The following PIGG variants were observed in gnomAD, a reference collection of about 807,000 sequenced individuals.
PIGG encodes the protein GPI ethanolamine phosphate transferase 2, catalytic subunit.
In PIGG, 70 loss-of-function variants were observed where a neutral mutation model predicts 83.2. The ratio of observed to expected loss-of-function variants is 0.84; its 90% CI spans 0.69 to 1.03. The LOEUF is 1.03. PIGG is among the 50% of genes least tolerant of loss of function. PIGG has a pLI of 0.00. For missense variants in PIGG, 1,257 were observed against 1,233.6 expected (o/e 1.02, Z -0.28); for synonymous variants, 532 against 519.5 (o/e 1.02, Z -0.33).
intron 4 of PIGG, among the ~76,000 whole-genome samples, chr4:508,488 T>C (rs1720681823): frequency 6.6e-6 from 1 of 152,204 alleles, no homozygotes; most frequent in Non-Finnish European, 1.5e-5. Flanking sequence ...AAGATTCCAT[T>C]TGACAGATGA....
Position 515,207 on chromosome 4 carries a change from G to A in PIGG, c.902-766G>A, listed in dbSNP as rs189442326. On this transcript the variant is annotated intron_variant, in intron 5 of 12. Transcript: ENST00000453061. The surrounding 1 kb of genome is among the most constrained non-coding windows in gnomAD (Gnocchi z 4.2). ...GCCTCTTGGCGCCCTGCCGGTGTAC[G>A]TTGAATTCCAGGGTGTGGAGCTGTT... is the stretch of plus-strand genomic sequence containing the variant. Among the ~76,000 whole-genome samples the A allele has an allele frequency of 9.2e-4, 140 of 152,356 alleles. No homozygotes were observed. The highest frequency in any genetic ancestry group is 3.1e-3 in the African/African-American group (130 of 41,590).
chr4:517,989 C>G (rs2108904884), intron 6 of PIGG, among the ~76,000 whole-genome samples: 1 of 152,246 alleles, frequency 6.6e-6, no homozygotes, highest in South Asian at 2.1e-4. Flanking sequence ...CTATTACTAC[C>G]AAATAGAGTG....
At chr4:519,225 T>C (rs4616693) in intron 6 of PIGG, among the ~76,000 whole-genome samples, 26,972 of 152,208 alleles carry the variant, frequency 0.18, 3,082 homozygotes, top group African/African-American at 0.33. Flanking sequence ...CGTGCGTGCG[T>C]GTCTGTGAGC....
At position 522,430 on chromosome 4, in the gene PIGG, G is replaced by A. The variant is rs189171327; in HGVS notation, c.1614+489G>A. ...CATCAGGTCCAGATTTCTTTCCAAG[G>A]CGGACGTTTTCTGTTGGAATTCTTA... On this transcript the variant is annotated intron_variant, in intron 8 of 12. Transcript: ENST00000453061. 4.3e-4 allele frequency: 91 copies of A among 211,500 alleles called. No homozygotes were observed. In the East Asian group the frequency reaches 8.8e-3, roughly 20 times the overall value. 13.1% of individuals were successfully genotyped at this position (211,500 alleles called of 1,614,324 possible).
In PIGG at chr4:499,345, G is replaced by A. The variant is rs782312180; in HGVS notation, c.10G>A (p.Gly4Ser). 3.7e-6 allele frequency: 6 copies of A among 1,608,374 alleles called. No homozygotes were observed. Among genetic ancestry groups the A allele is most frequent in the Non-Finnish European group, 8.5e-7 (1 of 1,179,866 alleles). The part of the protein sequence containing the change: MRL[G>S]SGTFATCCVA... ...GCCTAGCGTGTCCACGATGCGGCTG[G>A]GCTCCGGGACTTTCGCTACCTGTTG... is the stretch of plus-strand genomic sequence containing the variant. Residue 4 changes from glycine (G) to serine (S), a missense_variant, in exon 1 of 13, where the codon GGC (glycine) becomes AGC (serine). Gly to Ser is a moderately conservative substitution (Grantham distance 56). Transcript: ENST00000453061.
In PIGG at chr4:507,726, T is replaced by C. The variant is rs534493377; in HGVS notation, c.759+133T>C. 1.3e-5 allele frequency: 10 copies of C among 744,432 alleles called. No individual in the cohort carries two copies. In the African/African-American group the frequency reaches 1.8e-4, roughly 13 times the overall value. 46.1% of individuals were successfully genotyped at this position (744,432 alleles called of 1,614,324 possible). A position where few individuals can be genotyped will look rare whatever the true frequency, so the allele number is the denominator to read the frequency against. On this transcript the variant is annotated intron_variant, in intron 4 of 12. Transcript: ENST00000453061. ...ATCAGTCTGCTAGCCAGGGGCCGCA[T>C]GCCACACGGGCAGCACTGTCTCAGT...
chr4:504,993 C>G (rs1719084701), intron 2 of PIGG, among the ~76,000 whole-genome samples: 1 of 152,166 alleles, frequency 6.6e-6, no homozygotes, highest in Admixed American at 6.5e-5. Context: ...GTTTTCCACT[C>G]AAAGGTAGAC....
chr4:516,596 G>A lies in PIGG; in HGVS notation c.1114+411G>A, dbSNP rs193031414. On this transcript the variant is annotated intron_variant, in intron 6 of 12. Transcript: ENST00000453061. ...AACAGGGCTGGGTGCGGTGGCTCAC[G>A]CCTGTAATCCCAGCACTTTGGGAGG... Among the ~76,000 whole-genome samples the A allele has an allele frequency of 1.6e-3, 239 of 152,202 alleles. 1 individual carries two copies. Among genetic ancestry groups the A allele is most frequent in the African/African-American group, 5.5e-3 (229 of 41,544 alleles).
At chr4:520,527 G>A (rs940644349) in intron 6 of PIGG, among the ~76,000 whole-genome samples, 4 of 152,236 alleles carry the variant, frequency 2.6e-5, no homozygotes, top group African/African-American at 9.6e-5. Flanking sequence ...GCTGCAGAAC[G>A]GGGGACGTTA....
Position 502,933 on chromosome 4 carries a change from CG to C in PIGG, c.360+2334del, listed in dbSNP as rs1174538424. 2.0e-5 allele frequency among the ~76,000 whole-genome samples: 3 copies of C among 151,474 alleles called. No individual in the cohort carries two copies. The East Asian group carries it at 5.8e-4, about 29-fold the overall frequency. On this transcript the variant is annotated intron_variant, in intron 2 of 12. Transcript: ENST00000453061. ...TAAGTCCATGATGTATAAAGAGGTT[CG>C]GATCAAGGAGGGACAGTCCTATGGA...
chr4:507,572 C>G lies in PIGG; in HGVS notation c.738C>G (p.Ile246Met). 1.2e-6 allele frequency: 2 copies of G among 1,613,498 alleles called. No individual in the cohort carries two copies. Among genetic ancestry groups the G allele is most frequent in the Non-Finnish European group, 8.5e-7 (1 of 1,179,792 alleles). ...AGATGGACAGCGTGCTGATGAAGAT[C>G]CACACCTCACTGCAGTCGAAGGTGA... ...LSEMDSVLMK[I>M]HTSLQSKERE... The change falls in exon 4 of 13, where the codon ATC (isoleucine) becomes ATG (methionine). Residue 246 changes from isoleucine (I) to methionine (M), a missense_variant. Transcript: ENST00000453061.
chr4:519,027 C>A (rs1431511244), intron 6 of PIGG, among the ~76,000 whole-genome samples: 4 of 152,080 alleles, frequency 2.6e-5, no homozygotes, highest in African/African-American at 9.7e-5. Flanking sequence ...TTTTGCCTGG[C>A]GAATTCCTGG....
chr4:536,708 G>C (rs982225756), intron 12 of PIGG: 6 of 152,314 alleles, frequency 3.9e-5, no homozygotes, highest in African/African-American at 1.4e-4. Flanking sequence ...GGGGTGGGCT[G>C]TCAGCACGTC....
chr4:512,466 C>T lies in PIGG; in HGVS notation c.901+3496C>T, dbSNP rs113162386. Among the ~76,000 whole-genome samples the T allele has an allele frequency of 5.0e-3, 761 of 152,048 alleles. 9 individuals are homozygous for T. The highest frequency in any genetic ancestry group is 0.017 in the African/African-American group (723 of 41,498). On this transcript the variant is annotated intron_variant, in intron 5 of 12. Coordinates refer to ENST00000453061, the MANE Select transcript of PIGG (RefSeq NM_001127178.3). ...TCCTGACCTTGTGATCTGCCCACCTCGGCCTCCCAACCATTATCATATTTT... is the reference window on the plus strand; with the variant it reads ...TCCTGACCTTGTGATCTGCCCACCTTGGCCTCCCAACCATTATCATATTTT...
chr4:535,687 T>G (rs897658569), intron 12 of PIGG, among the ~76,000 whole-genome samples: 1 of 152,074 alleles, frequency 6.6e-6, no homozygotes, highest in African/African-American at 2.4e-5. Flanking sequence ...GTGCCAGCCC[T>G]CCCAGGACAC....
chr4:530,288 G>C lies in PIGG; in HGVS notation c.2262-148G>C, dbSNP rs1170418798. 30 of 628,180 alleles carry C rather than the reference G, an allele frequency of 4.8e-5. No individual in the cohort carries two copies. In the Admixed American group the frequency reaches 7.8e-4, roughly 16 times the overall value. 38.9% of individuals were successfully genotyped at this position (628,180 alleles called of 1,614,324 possible). On this transcript the variant is annotated intron_variant, in intron 10 of 12. Transcript: ENST00000453061. The stretch of plus-strand genomic sequence containing the variant: ...TGCCCACTGCCATGACAGGACCTGG[G>C]GGGTAGGGAGGGTGCCGCGGCTCCT...
intron 12 of PIGG, among the ~76,000 whole-genome samples, chr4:536,083 G>C (rs115465691): frequency 0.081 from 12,406 of 152,238 alleles, 553 homozygotes; most frequent in East Asian, 0.19. Flanking sequence ...CTGTGTTGAG[G>C]CTCTCACAGC....
intron 6 of PIGG, among the ~76,000 whole-genome samples, chr4:519,084 G>A (rs1724920689): frequency 6.6e-6 from 1 of 152,066 alleles, no homozygotes; most frequent in Non-Finnish European, 1.5e-5. Context: ...CTGGTCCAGC[G>A]CCCACTCCCA....
rs964328620 is a variant in PIGG, at chr4:523,530, C to T, written c.1686C>T (p.Val562=). ...LLILLGTAGH[V]LSLGASSFVE... ...TTCTGTTGGGGACGGCGGGCCACGT[C>T]TTGAGCCTGGGCGCCAGCAGCTTCG... Residue 562 remains valine (V), a synonymous_variant, in exon 9 of 13, where the codon GTC becomes GTT. Transcript: ENST00000453061. 6.2e-7 allele frequency: 1 copy of T among 1,614,082 alleles called. No individual in the cohort carries two copies. Among genetic ancestry groups the T allele is most frequent in the African/African-American group, 1.3e-5 (1 of 74,946 alleles).
Sources: gnomAD v4.1 joint callset for allele counts (sites outside exome capture counted in the v4.1 genomes callset) on GRCh38, gnomAD v4.1.1 for gene constraint, Gnocchi (gnomAD v3.1) non-coding constraint, MANE v1.5 for transcripts, NCBI Gene and HGNC (gene_info 2026-07-23, HGNC 2026-07-21) for gene names.